MINDY3: variants seen among roughly 807,000 people sequenced by gnomAD.
MINDY3 encodes ubiquitin carboxyl-terminal hydrolase MINDY-3.
In MINDY3, 38 loss-of-function variants were observed where a neutral mutation model predicts 69.2. The ratio of observed to expected loss-of-function variants is 0.55; its 90% CI spans 0.42 to 0.72. The LOEUF is 0.72. Ranked by LOEUF, MINDY3 falls within the 30% of genes least tolerant of loss-of-function variation. The probability of loss-of-function intolerance (pLI) is 0.00; values close to 1 mark genes in which losing one functional copy is unlikely to be tolerated. For missense variants in MINDY3, 522 were observed against 519.0 expected (o/e 1.01, Z -0.06); for synonymous variants, 192 against 180.1 (o/e 1.07, Z -0.53).
intron 5 of MINDY3, 53 bp downstream of exon 5, chr10:15,838,175 A>G: frequency 6.4e-7 from 1 of 1,555,328 alleles, no homozygotes; most frequent in African/African-American, 1.4e-5. Context: ...AACAGACTTA[A>G]AGTGGCAATG....
chr10:15,859,887 C>A (rs1039620344), intron 1 of MINDY3, among the ~76,000 whole-genome samples: 1 of 152,180 alleles, frequency 6.6e-6, no homozygotes, highest in Admixed American at 6.5e-5. Flanking sequence ...AAAGTGACAC[C>A]GGGGCACGGG....
At chr10:15,832,510 T>C (rs563894837) in intron 8 of MINDY3, among the ~76,000 whole-genome samples, 4 of 152,212 alleles carry the variant, frequency 2.6e-5, no homozygotes, top group East Asian at 1.9e-4. Context: ...GGTTGAAGAA[T>C]AGGATGATCT....
intron 8 of MINDY3, among the ~76,000 whole-genome samples, chr10:15,827,192 A>C (rs1253094397): frequency 6.6e-6 from 1 of 150,852 alleles, no homozygotes; most frequent in African/African-American, 2.4e-5. Flanking sequence ...AAAAAAAAAA[A>C]AAAAAAGCCC....
At chr10:15,854,736 T>C (rs1000053351) in intron 1 of MINDY3, among the ~76,000 whole-genome samples, 5 of 152,090 alleles carry the variant, frequency 3.3e-5, no homozygotes, top group African/African-American at 9.7e-5. Context: ...ACATTTGTAT[T>C]GGTGCTGGAC....
At chr10:15,798,056 G>A (rs1228675078) in intron 10 of MINDY3, among the ~76,000 whole-genome samples, 2 of 152,144 alleles carry the variant, frequency 1.3e-5, no homozygotes, top group Non-Finnish European at 2.9e-5. Flanking sequence ...TCAGGATACA[G>A]TTATTCTTTC....
intron 13 of MINDY3, 60 bp downstream of exon 13, chr10:15,786,501 A>T (rs1384282015): frequency 9.7e-7 from 1 of 1,031,836 alleles, no homozygotes. Flanking sequence ...AATGCTGCAA[A>T]CAATCACAGG....
At chr10:15,855,159 A>G (rs74656033) in intron 1 of MINDY3, among the ~76,000 whole-genome samples, 2,559 of 152,228 alleles carry the variant, frequency 0.017, 31 homozygotes, top group Non-Finnish European at 0.025. Flanking sequence ...TTAAAAGCCC[A>G]TGGAGTGAAT....
rs138562228 is a variant in MINDY3, at chr10:15,848,032, C to A, written c.95-89G>T. On this transcript the variant is annotated intron_variant, in intron 1 of 14. Coordinates refer to ENST00000277632, the MANE Select transcript of MINDY3 (RefSeq NM_024948.4). ...TCATGTACTTTGCTTTGAGAATGATCACTTATCACAACAGCAAAATATCTT... is the reference window on the plus strand; with the variant it reads ...TCATGTACTTTGCTTTGAGAATGATAACTTATCACAACAGCAAAATATCTT... 27 of 1,018,222 alleles carry A rather than the reference C, an allele frequency of 2.7e-5. 1 individual carries two copies. In the East Asian group the frequency reaches 6.6e-4, roughly 25 times the overall value. 63.1% of individuals were successfully genotyped at this position (1,018,222 alleles called of 1,614,324 possible). A position where few individuals can be genotyped will look rare whatever the true frequency, so the allele number is the denominator to read the frequency against.
chr10:15,791,209 A>T (rs918388003), intron 11 of MINDY3, among the ~76,000 whole-genome samples: 2 of 152,104 alleles, frequency 1.3e-5, no homozygotes, highest in Admixed American at 6.6e-5. Context: ...ATTAGAAGAG[A>T]TTTCAAAATT....
intron 6 of MINDY3, among the ~76,000 whole-genome samples, chr10:15,836,386 C>T (rs1019538873): frequency 1.3e-5 from 2 of 151,912 alleles, no homozygotes; most frequent in African/African-American, 4.8e-5. Flanking sequence ...AACACACTGC[C>T]ATAATGGAAT....
At chr10:15,802,688 A>G (rs947349553) in intron 10 of MINDY3, among the ~76,000 whole-genome samples, 1 of 152,164 alleles carries the variant, frequency 6.6e-6, no homozygotes, top group African/African-American at 2.4e-5. Flanking sequence ...TTTGTTAGCT[A>G]TTTAAACAGA....
chr10:15,843,407 G>A (rs1833616860), intron 2 of MINDY3, 135 bp from the exon 3 acceptor site: 3 of 699,136 alleles, frequency 4.3e-6, no homozygotes, highest in Non-Finnish European at 7.6e-6. Context: ...GATGTCAAAT[G>A]GGTTCCCCTC....
intron 9 of MINDY3, among the ~76,000 whole-genome samples, chr10:15,818,317 T>TA (rs75890684): frequency 0.024 from 3,206 of 135,296 alleles, 79 homozygotes; most frequent in African/African-American, 0.065. Flanking sequence ...AAGGTAGAAG[T>TA]AAAAAAAAAA....
chr10:15,816,376 G>A (rs547248641), intron 10 of MINDY3, among the ~76,000 whole-genome samples: 3 of 151,876 alleles, frequency 2.0e-5, no homozygotes, highest in Admixed American at 2.0e-4. Context: ...AAAATTGTGG[G>A]AAGTATTCCA....
intron 10 of MINDY3, among the ~76,000 whole-genome samples, chr10:15,808,085 C>T (rs1483014875): frequency 6.6e-6 from 1 of 152,134 alleles, no homozygotes; most frequent in Non-Finnish European, 1.5e-5. Flanking sequence ...TAATTCAAAT[C>T]ACTGAGAATA....
intron 3 of MINDY3, among the ~76,000 whole-genome samples, chr10:15,842,111 G>T (rs1207432497): frequency 6.6e-6 from 1 of 151,776 alleles, no homozygotes; most frequent in Non-Finnish European, 1.5e-5. Flanking sequence ...GAAGCCAGTG[G>T]TTAGAATACA....
At chr10:15,853,199 G>C (rs980272699) in intron 1 of MINDY3, among the ~76,000 whole-genome samples, 6 of 152,046 alleles carry the variant, frequency 3.9e-5, no homozygotes, top group African/African-American at 9.7e-5. Flanking sequence ...AATTAGAAAA[G>C]GGAAAGAGTG....
chr10:15,789,395 C>CAGGAAAAAAAA, intron 11 of MINDY3, 76 bp from the exon 12 acceptor site: 1 of 1,129,742 alleles, frequency 8.9e-7, no homozygotes. Flanking sequence ...GATCAGGTTC[C>CAGGAAAAAAAA]AGGAAAAAAA....
chr10:15,860,187 G>C lies in MINDY3; in HGVS notation c.94+19C>G. ...CAAAAGAAGCAGCGGCTGCAAGTGT[G>C]AGAGCCCCGCCAGGGTACCTTGCGT... On this transcript the variant is annotated intron_variant, in intron 1 of 14. Coordinates refer to ENST00000277632, the MANE Select transcript of MINDY3 (RefSeq NM_024948.4). 1 of 1,582,158 alleles carries C rather than the reference G, an allele frequency of 6.3e-7. No homozygotes were observed. The highest frequency in any genetic ancestry group is 8.6e-7 in the Non-Finnish European group (1 of 1,160,750).
Sources: gnomAD v4.1 joint callset for allele counts (sites outside exome capture counted in the v4.1 genomes callset) on GRCh38, gnomAD v4.1.1 for gene constraint, MANE v1.5 for transcripts, NCBI Gene and HGNC (gene_info 2026-07-23, HGNC 2026-07-21) for gene names.